The following EFHD1 variants were observed in gnomAD, a reference collection of about 807,000 sequenced individuals.
EFHD1 encodes EF-hand domain-containing protein D1.
A neutral mutation model predicts 17.2 loss-of-function variants in EFHD1; 10 were observed. That is an observed-to-expected ratio of 0.58 (90% CI 0.36 to 0.99). EFHD1 has a LOEUF of 0.99. Ranked by LOEUF, EFHD1 falls within the 50% of genes least tolerant of loss-of-function variation. EFHD1 has a pLI of 0.01. For synonymous variants in EFHD1, 153 were observed against 142.0 expected (o/e 1.08, Z -0.55); for missense variants, 310 against 327.5 (o/e 0.95, Z 0.41).
intron 3 of EFHD1, 93 bp from the exon 4 acceptor site, chr2:232,681,492 T>A: frequency 6.6e-7 from 1 of 1,524,020 alleles, no homozygotes; most frequent in Non-Finnish European, 8.9e-7. Flanking sequence ...TGTCTCTAGG[T>A]CTGCTGAATG....
chr2:232,645,971 C>T (rs1694519156), intron 1 of EFHD1, among the ~76,000 whole-genome samples: 1 of 152,208 alleles, frequency 6.6e-6, no homozygotes, highest in Non-Finnish European at 1.5e-5. Context: ...TCGACACCAT[C>T]CCCTGCATAG....
At chr2:232,629,572 GATTC>G (rs909261690), upstream of EFHD1, among the ~76,000 whole-genome samples, 1 of 151,832 alleles carries the variant, frequency 6.6e-6, no homozygotes, top group Non-Finnish European at 1.5e-5. Flanking sequence ...GAGTTCAAGC[GATTC>G]TTCTGCCTCA....
intron 3 of EFHD1, among the ~76,000 whole-genome samples, chr2:232,673,114 C>CT (rs1432457002): frequency 1.3e-5 from 2 of 152,202 alleles, no homozygotes; most frequent in Non-Finnish European, 2.9e-5. Flanking sequence ...GCATTGAGCT[C>CT]TAAGATACAA....
chr2:232,609,023 A>AAAATTG (rs1553593189), intron 1 of EFHD1, among the ~76,000 whole-genome samples: 1 of 148,854 alleles, frequency 6.7e-6, no homozygotes, highest in African/African-American at 2.6e-5. Flanking sequence ...ACAAGACCAA[A>AAAATTG]AAAATGTTTA....
At chr2:232,667,952 TGG>T in intron 2 of EFHD1, among the ~76,000 whole-genome samples, 1 of 152,376 alleles carries the variant, frequency 6.6e-6, no homozygotes, top group South Asian at 2.1e-4. Flanking sequence ...ACTAATACCG[TGG>T]GAGTGTTTGC....
chr2:232,627,058 ATATATAT>A (rs1327765605), intron 1 of EFHD1, among the ~76,000 whole-genome samples: 199 of 121,800 alleles, frequency 1.6e-3, no homozygotes, highest in African/African-American at 2.6e-3. Flanking sequence ...ATATATATAT[ATATATAT>A]TTTTTTTTTT....
chr2:232,614,645 G>A (rs149672712), intron 1 of EFHD1, among the ~76,000 whole-genome samples: 2 of 152,302 alleles, frequency 1.3e-5, no homozygotes, highest in East Asian at 3.9e-4. Context: ...TGGCAAAGGA[G>A]CTGAGTGGTC....
At chr2:232,607,611 C>T (rs919511527) in intron 1 of EFHD1, among the ~76,000 whole-genome samples, 1 of 150,932 alleles carries the variant, frequency 6.6e-6, no homozygotes, top group Non-Finnish European at 1.5e-5. Context: ...AAAAAATTAG[C>T]TGGGTGTAGT....
intron 2 of EFHD1, among the ~76,000 whole-genome samples, chr2:232,666,997 G>A (rs748863856): frequency 2.0e-5 from 3 of 152,128 alleles, no homozygotes; most frequent in Non-Finnish European, 2.9e-5. Context: ...AGCTTTCCCC[G>A]CTATTGTGAC....
intron 1 of EFHD1, among the ~76,000 whole-genome samples, chr2:232,660,202 ATT>A (rs56053756): frequency 0.44 from 62,426 of 141,984 alleles, 14,044 homozygotes; most frequent in East Asian, 0.73. Flanking sequence ...TTATTTATTT[ATT>A]TTTTTTTTGA....
intron 1 of EFHD1, 28 bp from the exon 2 acceptor site, chr2:232,662,774 C>T (rs1163730963): frequency 6.4e-7 from 1 of 1,552,534 alleles, no homozygotes; most frequent in South Asian, 1.2e-5. Flanking sequence ...TCCTTTCATC[C>T]CGGTCATGCA....
At chr2:232,680,619 C>T (rs1180282381) in intron 3 of EFHD1, among the ~76,000 whole-genome samples, 1 of 152,084 alleles carries the variant, frequency 6.6e-6, no homozygotes, top group African/African-American at 2.4e-5. Flanking sequence ...AAGCGATTCT[C>T]CTGCCTCAGC....
rs781383116 is a variant in EFHD1 at position 232,633,942 on chromosome 2, C to T, written c.238C>T (p.Pro80Ser). 47 of 1,597,332 alleles carry T rather than the reference C, an allele frequency of 2.9e-5. No homozygotes were observed. The highest frequency in any genetic ancestry group is 3.8e-5 in the Non-Finnish European group (45 of 1,179,244). The change falls in exon 1 of 4, where the codon CCC (proline) becomes TCC (serine). Residue 80 changes from proline (P) to serine (S), a missense_variant. Coordinates refer to ENST00000264059, the MANE Select transcript of EFHD1 (RefSeq NM_025202.4). ...ARPRRCRVFNPYTEFPEFSRR... is the reference protein window; with the variant it reads ...ARPRRCRVFNSYTEFPEFSRR... ...GCCCCGGCGCTGCAGGGTCTTCAAC[C>T]CCTACACGGAGTTCCCGGAGTTCAG...
At chr2:232,664,835 G>C (rs1230591374) in intron 2 of EFHD1, among the ~76,000 whole-genome samples, 1 of 149,908 alleles carries the variant, frequency 6.7e-6, no homozygotes. Context: ...GGATGGTCTC[G>C]ATCTCCTGAC....
At chr2:232,670,450 A>T (rs1417173739) in intron 2 of EFHD1, among the ~76,000 whole-genome samples, 1 of 152,108 alleles carries the variant, frequency 6.6e-6, no homozygotes, top group Non-Finnish European at 1.5e-5. Flanking sequence ...CAAAAAAAAA[A>T]AGGTTGGCCA....
At chr2:232,608,609 G>A (rs1032667209) in intron 1 of EFHD1, among the ~76,000 whole-genome samples, 16 of 152,242 alleles carry the variant, frequency 1.1e-4, no homozygotes, top group African/African-American at 3.6e-4. Context: ...GAAAACACTT[G>A]ATCAGCATTG....
chr2:232,643,400 T>C (rs1458683578), intron 1 of EFHD1, among the ~76,000 whole-genome samples: 1 of 151,880 alleles, frequency 6.6e-6, no homozygotes, highest in African/African-American at 2.4e-5. Flanking sequence ...TGTGCTTTGT[T>C]TTCGTTTGTA....
intron 2 of EFHD1, among the ~76,000 whole-genome samples, chr2:232,663,735 C>T (rs1220738540): frequency 6.6e-6 from 1 of 152,098 alleles, no homozygotes; most frequent in Non-Finnish European, 1.5e-5. Context: ...GTACCCATCA[C>T]CTCCAGCATT....
At chr2:232,665,925 A>G (rs1455658418) in intron 2 of EFHD1, among the ~76,000 whole-genome samples, 2 of 152,102 alleles carry the variant, frequency 1.3e-5, no homozygotes, top group Non-Finnish European at 2.9e-5. Flanking sequence ...GGGCTCAAAC[A>G]ATCCTCCCAC....
Sources: allele counts gnomAD v4.1 joint callset (sites outside exome capture counted in the v4.1 genomes callset), GRCh38; gene constraint gnomAD v4.1.1; transcripts MANE v1.5; gene names NCBI Gene and HGNC (gene_info 2026-07-23, HGNC 2026-07-21).